The following EPHA6 variants were observed in gnomAD, a reference collection of about 807,000 sequenced individuals.
The protein encoded by EPHA6 is EPH receptor A6, also known as ephrin type-A receptor 6.
Under a neutral mutation model 112.0 loss-of-function variants are expected in EPHA6, and 50 were observed. The ratio of observed to expected loss-of-function variants is 0.45; its 90% CI spans 0.36 to 0.56. EPHA6 has a LOEUF of 0.56. EPHA6 is among the 20% of genes least tolerant of loss of function. The pLI is 0.00. For missense variants in EPHA6, 1,280 were observed against 1,417.4 expected (o/e 0.90, Z 1.56); for synonymous variants, 529 against 490.7 (o/e 1.08, Z -1.03).
chr3:97,746,754 T>C (rs985026769), intron 16 of EPHA6, among the ~76,000 whole-genome samples: 2 of 151,938 alleles, frequency 1.3e-5, no homozygotes, highest in Non-Finnish European at 2.9e-5. Context: ...CTAACATTGA[T>C]TTTGTGTTGT....
chr3:96,827,661 A>G lies in EPHA6; in HGVS notation c.385+12653A>G, dbSNP rs73131511. 9.2e-3 allele frequency among the ~76,000 whole-genome samples: 1,404 copies of G among 152,274 alleles called. 13 individuals carry two copies. The highest frequency in any genetic ancestry group is 0.02 in the Middle Eastern group (6 of 294). ...CAAATGACAAGGAAAAGGCAGGCCA[A>G]TAATTATATCCAAGGATTTTCATCT... On this transcript the variant is annotated intron_variant, in intron 1 of 17. Coordinates refer to ENST00000389672, the MANE Select transcript of EPHA6 (RefSeq NM_001080448.3).
intron 5 of EPHA6, among the ~76,000 whole-genome samples, chr3:97,257,718 AT>A (rs1378738624): frequency 6.6e-6 from 1 of 152,066 alleles, no homozygotes. Context: ...CTGTATGTGT[AT>A]AGAAAAATTT....
chr3:97,493,836 T>A lies in EPHA6; in HGVS notation c.2200+9777T>A, dbSNP rs192161282. On this transcript the variant is annotated intron_variant, in intron 10 of 17. Transcript: ENST00000389672. ...GTTTAGGCTGAGAGCTAAAGCAAACTATCTCGTGGTTACCACGTGTCCAGA... is the reference window on the plus strand; with the variant it reads ...GTTTAGGCTGAGAGCTAAAGCAAACAATCTCGTGGTTACCACGTGTCCAGA... Among the ~76,000 whole-genome samples, 584 of 152,304 alleles carry A rather than the reference T, an allele frequency of 3.8e-3. 3 individuals carry two copies. Among genetic ancestry groups the A allele is most frequent in the African/African-American group, 0.013 (555 of 41,570 alleles).
In EPHA6 at chr3:97,623,596, T is replaced by G. The variant is rs559842267; in HGVS notation, c.2574+12742T>G. Among the ~76,000 whole-genome samples, 130 of 151,810 alleles carry G rather than the reference T, an allele frequency of 8.6e-4. 1 individual carries two copies. The highest frequency in any genetic ancestry group is 2.5e-3 in the African/African-American group (105 of 41,508). ...TATGACAGAAGGGACAAAAGCTGTG[T>G]GCTTACATGGTGGAAGAGCAGAAGA... On this transcript the variant is annotated intron_variant, in intron 13 of 17. Transcript: ENST00000389672.
chr3:97,688,826 C>T (rs893943012), intron 14 of EPHA6, among the ~76,000 whole-genome samples: 2 of 151,928 alleles, frequency 1.3e-5, no homozygotes, highest in African/African-American at 4.8e-5. Flanking sequence ...AGCCTACTTC[C>T]AAATATAGGA....
At chr3:97,314,976 T>C (rs762393104) in intron 5 of EPHA6, among the ~76,000 whole-genome samples, 1 of 151,636 alleles carries the variant, frequency 6.6e-6, no homozygotes, top group South Asian at 2.1e-4. Context: ...TCTACAACGA[T>C]GAAAATCACC....
chr3:97,519,205 T>G (rs1168672718), intron 10 of EPHA6, among the ~76,000 whole-genome samples: 2 of 152,150 alleles, frequency 1.3e-5, no homozygotes, highest in Non-Finnish European at 2.9e-5. Flanking sequence ...ATTTCTTTCT[T>G]CTGCATATGG....
intron 2 of EPHA6, among the ~76,000 whole-genome samples, chr3:96,981,173 A>G (rs914524750): frequency 6.6e-6 from 1 of 152,140 alleles, no homozygotes; most frequent in Non-Finnish European, 1.5e-5. Flanking sequence ...TCAGTATGAT[A>G]TTGGCTATGG....
chr3:97,142,680 T>A (rs1181292695), intron 3 of EPHA6, among the ~76,000 whole-genome samples: 1 of 151,608 alleles, frequency 6.6e-6, no homozygotes, highest in Non-Finnish European at 1.5e-5. Context: ...TAAAACATCT[T>A]CCAACAAAAG....
intron 6 of EPHA6, among the ~76,000 whole-genome samples, chr3:97,443,703 A>G (rs2090222100): frequency 6.6e-6 from 1 of 152,176 alleles, no homozygotes; most frequent in African/African-American, 2.4e-5. Flanking sequence ...TTACCTTTGA[A>G]ATGTGTATTT....
intron 8 of EPHA6, among the ~76,000 whole-genome samples, chr3:97,475,805 T>C (rs1195460056): frequency 6.6e-6 from 1 of 152,152 alleles, no homozygotes; most frequent in Non-Finnish European, 1.5e-5. Flanking sequence ...AGAAAAACTC[T>C]TTATAAACCT....
Position 97,723,917 on chromosome 3 carries a change from A to T in EPHA6, c.2934+3507A>T, listed in dbSNP as rs527566249. 3.9e-5 allele frequency among the ~76,000 whole-genome samples: 6 copies of T among 152,226 alleles called. No individual in the cohort carries two copies. The East Asian group carries it at 1.2e-3, about 29-fold the overall frequency. On this transcript the variant is annotated intron_variant, in intron 15 of 17. Transcript: ENST00000389672. Reference sequence around the variant, plus strand: ...TGGAAGCAGAAATAGCTTAATCAAAAACTTCCCAGCTGCTCTTTCCAAATA... The same window carrying T: ...TGGAAGCAGAAATAGCTTAATCAAATACTTCCCAGCTGCTCTTTCCAAATA...
At chr3:97,651,793 G>C (rs2094109126) in intron 14 of EPHA6, among the ~76,000 whole-genome samples, 1 of 151,742 alleles carries the variant, frequency 6.6e-6, no homozygotes, top group Non-Finnish European at 1.5e-5. Flanking sequence ...CATCTTGCTT[G>C]TACAGAAAAA....
At chr3:97,716,646 A>T (rs1177587047) in intron 14 of EPHA6, among the ~76,000 whole-genome samples, 1 of 151,766 alleles carries the variant, frequency 6.6e-6, no homozygotes, top group Non-Finnish European at 1.5e-5. Context: ...AGGAACGGAG[A>T]CTATGCAGTG....
At chr3:97,283,429 T>G (rs2080355486) in intron 5 of EPHA6, among the ~76,000 whole-genome samples, 1 of 152,194 alleles carries the variant, frequency 6.6e-6, no homozygotes, top group Non-Finnish European at 1.5e-5. Flanking sequence ...GAACTTTGTT[T>G]TGTGATTACA....
At chr3:97,240,470 T>C (rs757683310) in intron 4 of EPHA6, among the ~76,000 whole-genome samples, 17 of 151,934 alleles carry the variant, frequency 1.1e-4, no homozygotes, top group Non-Finnish European at 1.5e-4. Context: ...TCTTCAGATA[T>C]TTCGGTGAAA....
chr3:97,523,595 G>C (rs1056259525), intron 10 of EPHA6, among the ~76,000 whole-genome samples: 1 of 151,944 alleles, frequency 6.6e-6, no homozygotes, highest in Non-Finnish European at 1.5e-5. Context: ...TTGTCTGAAT[G>C]AACTATCCAT....
chr3:97,291,815 A>G lies in EPHA6; in HGVS notation c.1606+47528A>G, dbSNP rs192257820. ...TGACTTAAAGTCTGTTTTATCTTAC[A>G]TAAGTGTCATGGGATCTTTAGGGTG... On this transcript the variant is annotated intron_variant, in intron 5 of 17. Coordinates refer to ENST00000389672, the MANE Select transcript of EPHA6 (RefSeq NM_001080448.3). Among the ~76,000 whole-genome samples, 35 of 152,276 alleles carry G rather than the reference A, an allele frequency of 2.3e-4. 1 individual carries two copies. In the East Asian group the frequency reaches 6.6e-3, roughly 29 times the overall value.
At chr3:96,865,440 G>C (rs368470196) in intron 1 of EPHA6, among the ~76,000 whole-genome samples, 1 of 152,024 alleles carries the variant, frequency 6.6e-6, no homozygotes, top group East Asian at 2.0e-4. Context: ...CCAGCACTTT[G>C]GGAGGTCAAG....
Sources: allele counts gnomAD v4.1 joint callset (sites outside exome capture counted in the v4.1 genomes callset), GRCh38; gene constraint gnomAD v4.1.1; transcripts MANE v1.5; gene names NCBI Gene and HGNC (gene_info 2026-07-23, HGNC 2026-07-21).